The following ATP11B variants were observed in gnomAD, a reference collection of about 807,000 sequenced individuals.
The protein encoded by ATP11B is phospholipid-transporting ATPase IF.
Under a neutral mutation model 157.8 loss-of-function variants are expected in ATP11B, and 81 were observed. That is an observed-to-expected ratio of 0.51 (90% CI 0.43 to 0.62). ATP11B has a LOEUF of 0.62. Among genes scored for constraint, ATP11B ranks in the 20% least tolerant of loss-of-function variants. The pLI is 0.00. For synonymous variants in ATP11B, 451 were observed against 469.4 expected (o/e 0.96, Z 0.51); for missense variants, 1,165 against 1,402.2 (o/e 0.83, Z 2.70).
At chr3:182,831,107 A>C (rs985946372) in intron 4 of ATP11B, among the ~76,000 whole-genome samples, 12 of 152,184 alleles carry the variant, frequency 7.9e-5, no homozygotes, top group Non-Finnish European at 5.9e-5. Flanking sequence ...CTCCAAACAC[A>C]CATGTACAAC....
At chr3:182,808,587 C>A (rs756237836) in intron 1 of ATP11B, among the ~76,000 whole-genome samples, 17 of 151,628 alleles carry the variant, frequency 1.1e-4, no homozygotes, top group Non-Finnish European at 2.1e-4. Flanking sequence ...CCATGGGTTC[C>A]ATAATGATGA....
chr3:182,799,619 A>G (rs1018504608), intron 1 of ATP11B, among the ~76,000 whole-genome samples: 3 of 152,190 alleles, frequency 2.0e-5, no homozygotes, highest in Admixed American at 2.0e-4. Flanking sequence ...TAATTAGCTT[A>G]GTTTTTACTA....
chr3:182,892,201 A>C (rs932842900), intron 25 of ATP11B, among the ~76,000 whole-genome samples: 1 of 152,074 alleles, frequency 6.6e-6, no homozygotes, highest in Non-Finnish European at 1.5e-5. Flanking sequence ...CCCTTTCCCC[A>C]AGATTCCCTC....
intron 28 of ATP11B, among the ~76,000 whole-genome samples, chr3:182,901,109 G>A (rs1045861050): frequency 6.6e-6 from 1 of 152,056 alleles, no homozygotes; most frequent in African/African-American, 2.4e-5. Context: ...GGAGGTGGAG[G>A]TTGCAGTGAG....
rs571310279 is a variant in ATP11B, at chr3:182,820,710, T to C, written c.144+334T>C. ...ATTAAAACTGTAGATATGGATCATT[T>C]TATTTTTAAAAGTGATTATATGTGT... On this transcript the variant is annotated intron_variant, in intron 2 of 29. Transcript: ENST00000323116. 2.0e-5 allele frequency among the ~76,000 whole-genome samples: 3 copies of C among 152,308 alleles called. No homozygotes were observed. In the South Asian group the frequency reaches 6.2e-4, roughly 32 times the overall value.
In ATP11B at chr3:182,887,593, A is replaced by C; in HGVS notation, c.2723A>C (p.Tyr908Ser). The change falls in exon 24 of 30, where the codon TAT becomes TCT. Residue 908 changes from tyrosine to serine, a missense_variant. Tyr to Ser is a moderately radical substitution (Grantham distance 144, BLOSUM62 -2). This residue lies in a region of ATP11B where 737 missense variants were observed against 930.5 expected (regional missense o/e 0.79). Transcript: ENST00000323116. ...FYCLFSQQTL[Y>S]DSVYLTLYNI... ...ACCAATTTCTCTTTCTAGACATTGT[A>C]TGACAGCGTGTACCTGACTTTATAC... 6.2e-7 allele frequency: 1 copy of C among 1,609,678 alleles called. No individual in the cohort carries two copies. Among genetic ancestry groups the C allele is most frequent in the Non-Finnish European group, 8.5e-7 (1 of 1,178,776 alleles).
chr3:182,829,990 C>T (rs1257024400), intron 4 of ATP11B: 1 of 971,252 alleles, frequency 1.0e-6, no homozygotes, highest in East Asian at 1.1e-4. Flanking sequence ...AGCTAGAAAG[C>T]ATCCAAAAAC....
At chr3:182,883,954 CAAAAA>C (rs1170838231) in intron 21 of ATP11B, among the ~76,000 whole-genome samples, 2 of 63,414 alleles carry the variant, frequency 3.2e-5, no homozygotes, top group African/African-American at 4.5e-5. Flanking sequence ...GACTCCGTCT[CAAAAA>C]AAAAAAAAAA....
intron 19 of ATP11B, among the ~76,000 whole-genome samples, chr3:182,879,112 A>C (rs1031365954): frequency 2.6e-5 from 4 of 152,108 alleles, no homozygotes; most frequent in African/African-American, 9.7e-5. Context: ...ATCTCTACTA[A>C]AATAACAAAA....
At chr3:182,795,518 G>A (rs1715547627) in intron 1 of ATP11B, among the ~76,000 whole-genome samples, 1 of 152,222 alleles carries the variant, frequency 6.6e-6, no homozygotes, top group African/African-American at 2.4e-5. Context: ...AGGGCCGGAA[G>A]TTGTGTGTGG....
intron 25 of ATP11B, among the ~76,000 whole-genome samples, chr3:182,895,799 A>G (rs1577092301): frequency 6.6e-6 from 1 of 152,078 alleles, no homozygotes; most frequent in Non-Finnish European, 1.5e-5. Flanking sequence ...GCCTGGCAGG[A>G]TATTGATAAG....
intron 28 of ATP11B, among the ~76,000 whole-genome samples, chr3:182,906,789 A>AAAG (rs1178977954): frequency 4.5e-5 from 5 of 110,958 alleles, no homozygotes; most frequent in African/African-American, 1.1e-4. Context: ...AAAAAAAAAA[A>AAAG]AAGAAGAAGA....
chr3:182,816,364 G>A (rs903783254), intron 1 of ATP11B, among the ~76,000 whole-genome samples: 1 of 152,166 alleles, frequency 6.6e-6, no homozygotes, highest in African/African-American at 2.4e-5. Context: ...GGGGTTGAGG[G>A]TGTGAATGAG....
chr3:182,893,997 A>T (rs1235366799), intron 25 of ATP11B, among the ~76,000 whole-genome samples: 4 of 152,092 alleles, frequency 2.6e-5, no homozygotes, highest in Non-Finnish European at 5.9e-5. Context: ...AGAATTGCCT[A>T]TTCATGTCCT....
rs573429329 is a variant in ATP11B, at chr3:182,851,282, C to T, written c.851+2725C>T. 2.6e-5 allele frequency among the ~76,000 whole-genome samples: 4 copies of T among 152,244 alleles called. No individual in the cohort carries two copies. The South Asian group carries it at 8.3e-4, about 32-fold the overall frequency. On this transcript the variant is annotated intron_variant, in intron 10 of 29. Coordinates refer to ENST00000323116, the MANE Select transcript of ATP11B (RefSeq NM_014616.3). ...CTCCAGCCTGGGTGACAGAGCGAGACTCCATCTCAAAAAATAAAAAAAGAC... is the reference window on the plus strand; with the variant it reads ...CTCCAGCCTGGGTGACAGAGCGAGATTCCATCTCAAAAAATAAAAAAAGAC...
intron 19 of ATP11B, among the ~76,000 whole-genome samples, chr3:182,875,519 A>G (rs1721969663): frequency 6.6e-6 from 1 of 152,136 alleles, no homozygotes. Context: ...TCGGTTCACC[A>G]CAACCTCCGC....
At chr3:182,900,026 T>A (rs1723843990) in intron 28 of ATP11B, among the ~76,000 whole-genome samples, 1 of 152,228 alleles carries the variant, frequency 6.6e-6, no homozygotes, top group Non-Finnish European at 1.5e-5. Context: ...TAGTTGTATA[T>A]TCATCCTACA....
chr3:182,845,207 A>G (rs1034196349), intron 8 of ATP11B, among the ~76,000 whole-genome samples: 2 of 151,824 alleles, frequency 1.3e-5, no homozygotes, highest in Non-Finnish European at 2.9e-5. Context: ...GGGTTTCACC[A>G]TGTTGCCCAG....
intron 25 of ATP11B, among the ~76,000 whole-genome samples, chr3:182,894,464 G>A (rs796248879): frequency 1.6e-4 from 25 of 152,270 alleles, no homozygotes; most frequent in African/African-American, 4.6e-4. Flanking sequence ...GGAATTACAG[G>A]TGTGAGCCAC....
Sources: allele counts gnomAD v4.1 joint callset (sites outside exome capture counted in the v4.1 genomes callset), GRCh38; gene constraint gnomAD v4.1.1; regional missense constraint gnomAD v4.1.1; transcripts MANE v1.5; gene names NCBI Gene and HGNC (gene_info 2026-07-23, HGNC 2026-07-21).